The following ESYT2 variants were observed in gnomAD, a reference collection of about 807,000 sequenced individuals.
The protein encoded by ESYT2 is extended synaptotagmin-2.
A neutral mutation model predicts 107.2 loss-of-function variants in ESYT2; 54 were observed. The ratio of observed to expected loss-of-function variants is 0.50; its 90% CI spans 0.40 to 0.63. The LOEUF is 0.63. ESYT2 is among the 30% of genes least tolerant of loss of function. ESYT2 has a pLI of 0.00. For missense variants in ESYT2, 1,020 were observed against 1,094.5 expected (o/e 0.93, Z 0.96); for synonymous variants, 491 against 434.1 (o/e 1.13, Z -1.63).
intron 20 of ESYT2, 28 bp from the exon 21 acceptor site, chr7:158,735,636 T>A: frequency 6.4e-7 from 1 of 1,572,350 alleles, no homozygotes; most frequent in Non-Finnish European, 8.8e-7. Flanking sequence ...AGCCTTACTT[T>A]ATCCATCATT....
intron 4 of ESYT2, among the ~76,000 whole-genome samples, chr7:158,788,947 A>C (rs148209208): frequency 6.6e-6 from 1 of 152,200 alleles, no homozygotes; most frequent in African/African-American, 2.4e-5. Context: ...AATTTTACTC[A>C]ATGATTAAGT....
Position 158,743,569 on chromosome 7 carries a change from G to C in ESYT2, c.1754C>G (p.Ser585Trp). ...CATCTTGATGGTGCTGTTTGGACCC[G>C]AGTTACTGAGCTGGAAGCGCTGGCT... ...TVSQRFQLSN[S>W]GPNSTIKMKI... Residue 585 changes from serine (S) to tryptophan (W), a missense_variant, in exon 17 of 23, where the codon TCG becomes TGG. Physicochemically the swap from Ser to Trp is radical, Grantham distance 177. Coordinates refer to ENST00000275418, the MANE Select transcript of ESYT2 (RefSeq NM_001367773.1). 1.2e-6 allele frequency: 2 copies of C among 1,613,120 alleles called. No individual in the cohort carries two copies. Among genetic ancestry groups the C allele is most frequent in the Non-Finnish European group, 1.7e-6 (2 of 1,179,694 alleles).
Position 158,778,647 on chromosome 7 carries a change from T to C in ESYT2, c.748-5251A>G, listed in dbSNP as rs547731896. 1.1e-4 allele frequency among the ~76,000 whole-genome samples: 16 copies of C among 152,286 alleles called. No individual in the cohort carries two copies. In the South Asian group the frequency reaches 2.7e-3, roughly 26 times the overall value. ...AACATCCTACTTACTTCACCAGAAC[T>C]GCAACCCAGAATGATGGCACTGTCT... On this transcript the variant is annotated intron_variant, in intron 6 of 22. Coordinates refer to ENST00000275418, the MANE Select transcript of ESYT2 (RefSeq NM_001367773.1).
In ESYT2 at chr7:158,823,041, C is replaced by T. The variant is rs1007442256; in HGVS notation, c.330+6048G>A. ...GGCATGGTGGCTCACGCCTGTAATC[C>T]TAGCACTTTGGGAGGCTGAGGCAGG... On this transcript the variant is annotated intron_variant, in intron 1 of 22. Coordinates refer to ENST00000275418, the MANE Select transcript of ESYT2 (RefSeq NM_001367773.1). 4.0e-5 allele frequency among the ~76,000 whole-genome samples: 6 copies of T among 151,682 alleles called. No homozygotes were observed. The East Asian group carries it at 9.8e-4, about 25-fold the overall frequency.
intron 18 of ESYT2, among the ~76,000 whole-genome samples, chr7:158,739,925 G>GC (rs61199041): frequency 0.24 from 35,990 of 152,088 alleles, 5,116 homozygotes; most frequent in East Asian, 0.59. Context: ...GCCATGCCAG[G>GC]CAAGGGTAAG....
intron 12 of ESYT2, 53 bp downstream of exon 12, chr7:158,760,005 T>C: frequency 6.5e-7 from 1 of 1,530,166 alleles, no homozygotes; most frequent in Non-Finnish European, 9.1e-7. Context: ...CCAAGCTCAG[T>C]TATGAGGAGT....
At chr7:158,759,066 G>A (rs750377228) in intron 13 of ESYT2, among the ~76,000 whole-genome samples, 28 of 152,254 alleles carry the variant, frequency 1.8e-4, no homozygotes, top group Non-Finnish European at 3.2e-4. Flanking sequence ...GATGCCCCAC[G>A]GATCGCCAAG....
At chr7:158,734,650 G>T (rs1303856427) in intron 21 of ESYT2, among the ~76,000 whole-genome samples, 179 bp from the exon 22 acceptor site, 1 of 152,162 alleles carries the variant, frequency 6.6e-6, no homozygotes, top group Non-Finnish European at 1.5e-5. Context: ...ATTTATCTGG[G>T]CGTGCTGACA....
intron 10 of ESYT2, among the ~76,000 whole-genome samples, chr7:158,762,607 T>C (rs971785686): frequency 1.3e-5 from 2 of 152,250 alleles, no homozygotes; most frequent in South Asian, 4.1e-4. Flanking sequence ...TTTAAAGCTA[T>C]ACTAGTTGTT....
At chr7:158,824,357 C>T (rs551847417) in intron 1 of ESYT2, among the ~76,000 whole-genome samples, 3 of 152,340 alleles carry the variant, frequency 2.0e-5, no homozygotes, top group East Asian at 3.9e-4. Context: ...GCTATGCCAA[C>T]TATTTTCAGT....
intron 9 of ESYT2, 55 bp downstream of exon 9, chr7:158,764,622 T>C: frequency 1.9e-6 from 3 of 1,569,038 alleles, no homozygotes; most frequent in Non-Finnish European, 2.6e-6. Flanking sequence ...AGCTTGGCCA[T>C]CCCGCTCAGG....
At chr7:158,791,173 A>T (rs1012466645) in intron 4 of ESYT2, among the ~76,000 whole-genome samples, 1 of 151,980 alleles carries the variant, frequency 6.6e-6, no homozygotes. Context: ...TCCCCCAGAA[A>T]CCTCACACAA....
At chr7:158,741,444 C>T (rs574453314) in intron 18 of ESYT2, 79 bp downstream of exon 18, 67 of 1,485,766 alleles carry the variant, frequency 4.5e-5, no homozygotes, top group African/African-American at 1.2e-4. Flanking sequence ...TGCTCTGCTG[C>T]GTTAAACGAC....
At chr7:158,828,939 T>C (rs1477567407) in intron 1 of ESYT2, 150 bp downstream of exon 1, 1 of 1,220,222 alleles carries the variant, frequency 8.2e-7, no homozygotes. Context: ...TGGACCGGGG[T>C]GGGTGGGGGA....
Position 158,748,485 on chromosome 7 carries a change from A to G in ESYT2, c.1558-205T>C, listed in dbSNP as rs142760192. 4.7e-3 allele frequency among the ~76,000 whole-genome samples: 721 copies of G among 152,330 alleles called. 4 individuals carry two copies. Among genetic ancestry groups the G allele is most frequent in the African/African-American group, 0.016 (684 of 41,584 alleles). On this transcript the variant is annotated intron_variant, in intron 15 of 22. Transcript: ENST00000275418. ...TATTGATGGTGGATGTGTTGAAAAG[A>G]TAACGAGACGGTCTAAAGCCTTTAG...
chr7:158,762,347 G>C (rs1838000877), intron 10 of ESYT2, among the ~76,000 whole-genome samples: 2 of 152,076 alleles, frequency 1.3e-5, no homozygotes, highest in South Asian at 4.2e-4. Context: ...ATGAGCACCT[G>C]ATCTATCCTG....
At chr7:158,776,135 T>C (rs968719854) in intron 6 of ESYT2, among the ~76,000 whole-genome samples, 5 of 152,176 alleles carry the variant, frequency 3.3e-5, no homozygotes, top group Non-Finnish European at 5.9e-5. Flanking sequence ...TAAACCAGTG[T>C]GTAAAAAGGT....
intron 6 of ESYT2, among the ~76,000 whole-genome samples, 199 bp from the exon 7 acceptor site, chr7:158,773,595 T>C (rs952037613): frequency 6.6e-6 from 1 of 152,192 alleles, no homozygotes; most frequent in African/African-American, 2.4e-5. Context: ...TTTGATAATG[T>C]CACAGTTTTT....
chr7:158,818,202 T>G (rs760375363), intron 1 of ESYT2, among the ~76,000 whole-genome samples: 15 of 152,294 alleles, frequency 9.8e-5, no homozygotes, highest in Middle Eastern at 3.4e-3. Flanking sequence ...AAATGTAAAA[T>G]TAACTATCAT....
Sources: gnomAD v4.1 joint callset for allele counts (sites outside exome capture counted in the v4.1 genomes callset) on GRCh38, gnomAD v4.1.1 for gene constraint, MANE v1.5 for transcripts, NCBI Gene and HGNC (gene_info 2026-07-23, HGNC 2026-07-21) for gene names.